The following ASB4 variants were observed in gnomAD, a reference collection of about 807,000 sequenced individuals.
ASB4 encodes the protein ankyrin repeat and SOCS box protein 4.
ASB4 carries 35 observed loss-of-function variants against 38.6 expected under a neutral mutation model. The observed-to-expected ratio is 0.91, with a 90% CI of 0.69 to 1.20. The LOEUF (loss-of-function observed/expected upper bound fraction) is 1.20, where lower values mean the gene tolerates loss of function less well. Among genes scored for constraint, ASB4 ranks in the 50% most tolerant of loss-of-function variants. The pLI is 0.00. For synonymous variants in ASB4, 195 were observed against 201.3 expected (o/e 0.97, Z 0.26); for missense variants, 557 against 527.2 (o/e 1.06, Z -0.55).
intron 2 of ASB4, among the ~76,000 whole-genome samples, chr7:95,526,061 CT>C (rs1309772328): frequency 6.6e-6 from 1 of 152,142 alleles, no homozygotes; most frequent in Admixed American, 6.5e-5. Flanking sequence ...GCAATGTTAT[CT>C]TTCTAGTACT....
At chr7:95,504,852 T>C (rs976625620) in intron 2 of ASB4, among the ~76,000 whole-genome samples, 3 of 152,174 alleles carry the variant, frequency 2.0e-5, no homozygotes, top group African/African-American at 7.2e-5. Flanking sequence ...CCTCCAATCA[T>C]TCTGCTCTGA....
upstream of ASB4, among the ~76,000 whole-genome samples, chr7:95,474,692 A>T (rs905879746): frequency 3.3e-5 from 5 of 151,764 alleles, no homozygotes; most frequent in Admixed American, 6.6e-5. Flanking sequence ...AGGCTAATTT[A>T]AAAAAAAATT....
chr7:95,479,988 C>T (rs1177922299), intron 1 of ASB4, among the ~76,000 whole-genome samples: 3 of 152,140 alleles, frequency 2.0e-5, no homozygotes, highest in Admixed American at 1.3e-4. Context: ...AGCTTATTCC[C>T]GCAATTCAAG....
upstream of ASB4, chr7:95,473,740 T>C (rs978291663): frequency 6.6e-6 from 1 of 152,100 alleles, no homozygotes; most frequent in African/African-American, 2.4e-5. Context: ...TTGAGGCATT[T>C]GCAATCATTG....
intron 2 of ASB4, among the ~76,000 whole-genome samples, chr7:95,521,437 A>G (rs1282657050): frequency 6.6e-6 from 1 of 152,102 alleles, no homozygotes. Flanking sequence ...AATGTTGGAA[A>G]TGATTTTGAA....
intron 1 of ASB4, among the ~76,000 whole-genome samples, chr7:95,495,541 T>C (rs1790232376): frequency 6.6e-6 from 1 of 152,152 alleles, no homozygotes; most frequent in South Asian, 2.1e-4. Context: ...AGTGAGAGCT[T>C]GAGAAAGCCT....
intron 1 of ASB4, among the ~76,000 whole-genome samples, chr7:95,479,212 G>A (rs1264111733): frequency 6.6e-6 from 1 of 152,094 alleles, no homozygotes; most frequent in African/African-American, 2.4e-5. Context: ...ACCAGAGCTG[G>A]GAATACGATC....
chr7:95,527,117 C>G (rs1790747485), intron 2 of ASB4, among the ~76,000 whole-genome samples: 1 of 152,130 alleles, frequency 6.6e-6, no homozygotes, highest in Admixed American at 6.6e-5. Flanking sequence ...ACTATACCAG[C>G]TTCTGCCCCT....
rs758073916 is a variant in ASB4 at position 95,495,813 on chromosome 7, C to T, written c.243C>T (p.Leu81=). ...CTTCCTGGGCCACAGGCCTCCATCT[C>T]TCTGTCTTGTTTGGCCATGTGGAAT... The part of the protein sequence containing the change: ...LKSSWATGLH[L]SVLFGHVECL... Residue 81 remains leucine (L), a synonymous_variant, in exon 2 of 5, where the codon CTC becomes CTT. Transcript: ENST00000325885. 6.2e-7 allele frequency: 1 copy of T among 1,612,784 alleles called. No individual in the cohort carries two copies. Among genetic ancestry groups the T allele is most frequent in the Non-Finnish European group, 8.5e-7 (1 of 1,179,828 alleles).
the ASB4 span, among the ~76,000 whole-genome samples, chr7:95,549,919 G>A: frequency 1.3e-5 from 2 of 152,142 alleles, no homozygotes; most frequent in African/African-American, 4.8e-5. Context: ...CTCCAAGATG[G>A]CAGCAAGGAG....
upstream of ASB4, among the ~76,000 whole-genome samples, chr7:95,483,583 A>G (rs1313999080): frequency 1.3e-5 from 2 of 152,248 alleles, no homozygotes; most frequent in African/African-American, 4.8e-5. Flanking sequence ...ATGATTAGAT[A>G]TAAACAAACT....
chr7:95,477,174 T>A (rs1000050801), upstream of ASB4, among the ~76,000 whole-genome samples: 1 of 152,152 alleles, frequency 6.6e-6, no homozygotes, highest in Non-Finnish European at 1.5e-5. Context: ...ACTGCCATCA[T>A]GTGGCCTGAC....
chr7:95,496,236 T>A, intron 2 of ASB4, 179 bp downstream of exon 2: 1 of 537,746 alleles, frequency 1.9e-6, no homozygotes, highest in Non-Finnish European at 3.2e-6. Context: ...ATGATCACAT[T>A]AAAATCTTAT....
chr7:95,528,217 G>A lies in ASB4; in HGVS notation c.892G>A (p.Val298Met), dbSNP rs2116646525. The part of the protein sequence containing the change: ...AIQYVLKVTS[V>M]RPAAQPEICY... Reference sequence around the variant, plus strand: ...CCAGTACGTGCTGAAGGTCACCTCCGTGCGCCCTGCTGCCCAGCCTGAGAT... The same window carrying A: ...CCAGTACGTGCTGAAGGTCACCTCCATGCGCCCTGCTGCCCAGCCTGAGAT... The change falls in exon 3 of 5, where the codon GTG becomes ATG. Residue 298 changes from valine (V) to methionine (M), a missense_variant. By Grantham distance (21) the Val-to-Met change is conservative. Transcript: ENST00000325885. 6.2e-7 allele frequency: 1 copy of A among 1,614,154 alleles called. No individual in the cohort carries two copies. Among genetic ancestry groups the A allele is most frequent in the Non-Finnish European group, 8.5e-7 (1 of 1,180,016 alleles).
chr7:95,516,198 G>A (rs534803132), intron 2 of ASB4, among the ~76,000 whole-genome samples: 81 of 152,204 alleles, frequency 5.3e-4, no homozygotes, highest in South Asian at 1.0e-3. Context: ...TTCCTTCAAC[G>A]AAAACACCTT....
chr7:95,503,351 C>T (rs1194872507), intron 2 of ASB4, among the ~76,000 whole-genome samples: 2 of 152,188 alleles, frequency 1.3e-5, no homozygotes, highest in Non-Finnish European at 2.9e-5. Flanking sequence ...AGACTGTGAG[C>T]ATCTTGTTTT....
intron 2 of ASB4, among the ~76,000 whole-genome samples, chr7:95,526,359 C>A (rs1397585311): frequency 6.6e-6 from 1 of 152,206 alleles, no homozygotes; most frequent in Non-Finnish European, 1.5e-5. Context: ...GCAGCTCCCC[C>A]CAGCACAACT....
chr7:95,512,708 T>C (rs1790499481), intron 2 of ASB4, among the ~76,000 whole-genome samples: 1 of 152,218 alleles, frequency 6.6e-6, no homozygotes, highest in Non-Finnish European at 1.5e-5. Context: ...CTTTGGGTAA[T>C]GCTGGCTTAG....
intron 1 of ASB4, among the ~76,000 whole-genome samples, chr7:95,492,123 C>T (rs1040300389): frequency 6.6e-6 from 1 of 152,176 alleles, no homozygotes; most frequent in Non-Finnish European, 1.5e-5. Context: ...GTTGTAACCA[C>T]AACTCCATTC....
Sources: allele counts gnomAD v4.1 joint callset (sites outside exome capture counted in the v4.1 genomes callset), GRCh38; gene constraint gnomAD v4.1.1; transcripts MANE v1.5; gene names NCBI Gene and HGNC (gene_info 2026-07-23, HGNC 2026-07-21).